The following TAF4 variants were observed in gnomAD, a reference collection of about 807,000 sequenced individuals.
The protein encoded by TAF4 is transcription initiation factor TFIID subunit 4.
TAF4 carries 9 observed loss-of-function variants against 90.3 expected under a neutral mutation model. The ratio of observed to expected loss-of-function variants is 0.10; its 90% CI spans 0.06 to 0.17. TAF4 has a LOEUF of 0.17. Among genes scored for constraint, TAF4 ranks in the 10% least tolerant of loss-of-function variants. The pLI is 1.00. For synonymous variants in TAF4, 818 were observed against 638.9 expected (o/e 1.28, Z -4.23); for missense variants, 1,351 against 1,370.7 (o/e 0.99, Z 0.23).
rs28382085 is a variant in TAF4, at chr20:62,004,140, T to A, written c.2224-262A>T. Among the ~76,000 whole-genome samples, 718 of 152,206 alleles carry A rather than the reference T, an allele frequency of 4.7e-3. 8 individuals carry two copies. The highest frequency in any genetic ancestry group is 0.017 in the African/African-American group (691 of 41,530). On this transcript the variant is annotated intron_variant, in intron 7 of 14. Coordinates refer to ENST00000252996, the MANE Select transcript of TAF4 (RefSeq NM_003185.4). ...GGCAAGCGGGAGCAGATCTGCTGCC[T>A]AGAAGCTGCCCCTGGGCATTGGTCA...
intron 1 of TAF4, among the ~76,000 whole-genome samples, chr20:62,040,333 C>T (rs2145501972): frequency 6.6e-6 from 1 of 152,372 alleles, no homozygotes; most frequent in South Asian, 2.1e-4. Flanking sequence ...CACTTGGGCA[C>T]CACGCAGAAG....
intron 1 of TAF4, among the ~76,000 whole-genome samples, chr20:62,049,767 T>C (rs1043196418): frequency 6.6e-6 from 1 of 151,742 alleles, no homozygotes; most frequent in Non-Finnish European, 1.5e-5. Flanking sequence ...AGCCCGGGTT[T>C]CTAGCCCCAG....
At chr20:61,992,409 C>G (rs567504367) in intron 14 of TAF4, among the ~76,000 whole-genome samples, 2 of 152,094 alleles carry the variant, frequency 1.3e-5, no homozygotes, top group Non-Finnish European at 2.9e-5. Context: ...CTCCTATGTC[C>G]ATAACCAGGA....
chr20:62,064,867 G>C lies in TAF4; in HGVS notation c.944C>G (p.Pro315Arg). The C allele has an allele frequency of 1.1e-6, 1 of 943,610 alleles. No individual in the cohort carries two copies. The highest frequency in any genetic ancestry group is 4.8e-5 in the South Asian group (1 of 20,784). The allele number at this position is 943,610 out of a possible 1,614,324, so 58.5% of individuals were successfully genotyped here. A position where few individuals can be genotyped will look rare whatever the true frequency, so the allele number is the denominator to read the frequency against. ...NGGSAGAAPA[P>R]APAAGGPAGV... ...CGCGGGGCCCCCGGCGGCCGGGGCG[G>C]GGGCGGGGGCTGCCCCGGCGCTGCC... is the stretch of plus-strand genomic sequence containing the variant. Residue 315 changes from proline to arginine, a missense_variant, in exon 1 of 15, where the codon CCC (proline) becomes CGC (arginine). By Grantham distance (103) the Pro-to-Arg change is moderately radical. Transcript: ENST00000252996.
chr20:62,023,488 T>C (rs1315897059), intron 1 of TAF4, among the ~76,000 whole-genome samples: 1 of 149,120 alleles, frequency 6.7e-6, no homozygotes, highest in African/African-American at 2.5e-5. Flanking sequence ...CAAGATGCAT[T>C]AGAAAGCTCA....
intron 1 of TAF4, among the ~76,000 whole-genome samples, chr20:62,016,977 A>C (rs1281692780): frequency 6.6e-6 from 1 of 151,866 alleles, no homozygotes; most frequent in Admixed American, 6.6e-5. Flanking sequence ...CTTTGCAAAA[A>C]AAAAATTTTT....
chr20:62,050,690 A>G (rs1600862187), intron 1 of TAF4, among the ~76,000 whole-genome samples: 1 of 152,090 alleles, frequency 6.6e-6, no homozygotes, highest in Non-Finnish European at 1.5e-5. Context: ...GGGAGGGCAC[A>G]CCCCTGCTGC....
At chr20:62,028,708 G>A (rs780862964) in intron 1 of TAF4, among the ~76,000 whole-genome samples, 1 of 152,164 alleles carries the variant, frequency 6.6e-6, no homozygotes, top group Non-Finnish European at 1.5e-5. Flanking sequence ...TAAAAAGCTC[G>A]TGAGCAGCCT....
At chr20:61,989,386 A>C (rs1043625281) in intron 14 of TAF4, among the ~76,000 whole-genome samples, 1 of 152,142 alleles carries the variant, frequency 6.6e-6, no homozygotes, top group African/African-American at 2.4e-5. Context: ...AAGGATACAG[A>C]CTCCAGCCAC....
At chr20:61,993,374 G>A (rs998653183) in intron 14 of TAF4, among the ~76,000 whole-genome samples, 1 of 152,148 alleles carries the variant, frequency 6.6e-6, no homozygotes, top group African/African-American at 2.4e-5. Flanking sequence ...GAGGAGGGAG[G>A]AACAGGCAGA....
intron 1 of TAF4, among the ~76,000 whole-genome samples, chr20:62,060,714 G>A (rs955917036): frequency 2.0e-5 from 3 of 152,292 alleles, no homozygotes; most frequent in South Asian, 2.1e-4. Context: ...AAGGCCTCTA[G>A]CCTAAAGTGA....
chr20:62,059,786 C>T (rs1414805429), intron 1 of TAF4, among the ~76,000 whole-genome samples: 1 of 152,226 alleles, frequency 6.6e-6, no homozygotes, highest in African/African-American at 2.4e-5. Flanking sequence ...ACTTCGGGAA[C>T]CCTGCAAATT....
chr20:62,054,017 C>A (rs2056046380), intron 1 of TAF4, among the ~76,000 whole-genome samples: 1 of 152,236 alleles, frequency 6.6e-6, no homozygotes, highest in African/African-American at 2.4e-5. Flanking sequence ...GGAGGGCCCA[C>A]AGGACCCAGT....
intron 14 of TAF4, among the ~76,000 whole-genome samples, chr20:61,985,077 T>C (rs1009992775): frequency 7.7e-6 from 1 of 129,610 alleles, no homozygotes; most frequent in African/African-American, 2.9e-5. Context: ...AAGGGGCACT[T>C]CTTTCTATAC....
Position 62,014,032 on chromosome 20 carries a change from GTGTGTGTGTGTGTA to G in TAF4, c.1521+501_1521+514del, listed in dbSNP as rs1295357807. Among the ~76,000 whole-genome samples the G allele has an allele frequency of 3.3e-4, 48 of 145,226 alleles. 4 individuals carry two copies. Among genetic ancestry groups the G allele is most frequent in the Admixed American group, 1.1e-3 (16 of 14,652 alleles). On this transcript the variant is annotated intron_variant, in intron 2 of 14. Transcript: ENST00000252996. ...CGCGGGGGTGTGGGTGTGTGTGTGT[GTGTGTGTGTGTGTA>G]TGTGTGTGTGTGTGTGTGTCCCTCT...
chr20:62,044,035 C>T (rs1416955772), intron 1 of TAF4, among the ~76,000 whole-genome samples: 1 of 152,214 alleles, frequency 6.6e-6, no homozygotes. Context: ...GACTGAGCCT[C>T]CCCTGTCTCC....
chr20:62,055,075 T>C (rs934311208), intron 1 of TAF4, among the ~76,000 whole-genome samples: 2 of 152,346 alleles, frequency 1.3e-5, no homozygotes, highest in African/African-American at 2.4e-5. Flanking sequence ...CTTTAAATTA[T>C]GCCCTATCCA....
At position 62,065,317 on chromosome 20, in the gene TAF4, GCGGCGGGGCCGGCGGGCTTGGCGGGGC is replaced by G; in HGVS notation, c.467_493del (p.Gly156_Ala164del). The G allele has an allele frequency of 1.1e-6, 1 of 939,530 alleles. No homozygotes were observed. The highest frequency in any genetic ancestry group is 1.3e-6 in the Non-Finnish European group (1 of 794,736). The allele number at this position is 939,530 out of a possible 1,614,324, so 58.2% of individuals were successfully genotyped here. A position where few individuals can be genotyped will look rare whatever the true frequency, so the allele number is the denominator to read the frequency against. On this transcript the variant is annotated inframe_deletion, in exon 1 of 15. Coordinates refer to ENST00000252996, the MANE Select transcript of TAF4 (RefSeq NM_003185.4). Reference sequence around the variant, plus strand: ...GCCGGGGCCGGCGCGGGCGGCCAGCGCGGCGGGGCCGGCGGGCTTGGCGGGGCCGGCGGGGGCGGGCTCGGGCCCCGC... The same window carrying G: ...GCCGGGGCCGGCGCGGGCGGCCAGCGCGGCGGGGGCGGGCTCGGGCCCCGC...
chr20:62,051,675 C>T (rs959566378), intron 1 of TAF4, among the ~76,000 whole-genome samples: 1 of 152,082 alleles, frequency 6.6e-6, no homozygotes, highest in African/African-American at 2.4e-5. Context: ...TCAAGACAGT[C>T]CCTCAGTCCC....
Sources: allele counts gnomAD v4.1 joint callset (sites outside exome capture counted in the v4.1 genomes callset), GRCh38; gene constraint gnomAD v4.1.1; transcripts MANE v1.5; gene names NCBI Gene and HGNC (gene_info 2026-07-23, HGNC 2026-07-21).